The following HSD17B6 variants were observed in gnomAD, a reference collection of about 807,000 sequenced individuals.
HSD17B6 encodes hydroxysteroid 17-beta dehydrogenase 6, also known as 17-beta-hydroxysteroid dehydrogenase type 6.
HSD17B6 carries 16 observed loss-of-function variants against 26.4 expected under a neutral mutation model. The observed-to-expected ratio is 0.61, with a 90% CI of 0.41 to 0.92. The LOEUF (loss-of-function observed/expected upper bound fraction) is 0.92, where lower values mean the gene tolerates loss of function less well. HSD17B6 is among the 40% of genes least tolerant of loss of function. The pLI is 0.00. For missense variants in HSD17B6, 357 were observed against 386.1 expected, an observed-to-expected ratio of 0.92 and a Z score of 0.63; for synonymous variants, 139 against 153.0, an observed-to-expected ratio of 0.91 and a Z score of 0.68.
At chr12:56,785,360 A>G (rs1954853922) in intron 4 of HSD17B6, among the ~76,000 whole-genome samples, 1 of 152,246 alleles carries the variant, frequency 6.6e-6, no homozygotes, top group Non-Finnish European at 1.5e-5. Flanking sequence ...TTATGGGACT[A>G]TAATTCAAGA....
At position 56,773,943 on chromosome 12, in the gene HSD17B6, T is replaced by C; in HGVS notation, c.91T>C (p.Tyr31His). The stretch of plus-strand genomic sequence containing the variant: ...GGTGGTGAGCCACCTCCAAGACAAG[T>C]ATGTCTTTATCACGGGCTGTGACTC... ...RQVVSHLQDK[Y>H]VFITGCDSGF... Residue 31 changes from tyrosine (Y) to histidine (H), a missense_variant, in exon 2 of 5, where the codon TAT becomes CAT. Coordinates refer to ENST00000322165, the MANE Select transcript of HSD17B6 (RefSeq NM_003725.4). The C allele has an allele frequency of 6.2e-7, 1 of 1,614,012 alleles. No homozygotes were observed. The highest frequency in any genetic ancestry group is 8.5e-7 in the Non-Finnish European group (1 of 1,179,952).
At chr12:56,766,471 G>C (rs1954332288) in intron 1 of HSD17B6, among the ~76,000 whole-genome samples, 1 of 152,134 alleles carries the variant, frequency 6.6e-6, no homozygotes, top group Admixed American at 6.5e-5. Flanking sequence ...TGTCCTCCAA[G>C]GCTCAGCAAA....
Position 56,784,897 on chromosome 12 carries a change from C to A in HSD17B6, c.617C>A (p.Pro206His). Residue 206 changes from proline (P) to histidine (H), a missense_variant, in exon 4 of 5, where the codon CCT becomes CAT. Transcript: ENST00000322165. Reference sequence around the variant, plus strand: ...GGGGTGAAAATCAGCATAGTTGAACCTGGCTACTTCAGAACGGGAATGACA... The same window carrying A: ...GGGGTGAAAATCAGCATAGTTGAACATGGCTACTTCAGAACGGGAATGACA... ...HFGVKISIVE[P>H]GYFRTGMTNM... is the part of the protein sequence containing the mutation. The A allele has an allele frequency of 6.2e-7, 1 of 1,613,896 alleles. No homozygotes were observed. Among genetic ancestry groups the A allele is most frequent in the Non-Finnish European group, 8.5e-7 (1 of 1,179,994 alleles).
intron 1 of HSD17B6, among the ~76,000 whole-genome samples, chr12:56,766,594 G>A (rs1280282655): frequency 1.3e-5 from 2 of 152,174 alleles, no homozygotes; most frequent in African/African-American, 4.8e-5. Context: ...GTACAACTAA[G>A]GTTTTAGATT....
At chr12:56,782,523 C>A (rs1217660581) in intron 3 of HSD17B6, among the ~76,000 whole-genome samples, 1 of 152,130 alleles carries the variant, frequency 6.6e-6, no homozygotes, top group Admixed American at 6.6e-5. Context: ...CAGGGTCTCA[C>A]TCTGTTGCTC....
intron 2 of HSD17B6, among the ~76,000 whole-genome samples, chr12:56,775,384 A>AT (rs1198182726): frequency 6.6e-6 from 1 of 151,560 alleles, no homozygotes; most frequent in Non-Finnish European, 1.5e-5. Context: ...TGCCTGGCTA[A>AT]TTTTTTTTTA....
At chr12:56,766,162 C>T (rs1176631357) in intron 1 of HSD17B6, among the ~76,000 whole-genome samples, 1 of 151,966 alleles carries the variant, frequency 6.6e-6, no homozygotes, top group Non-Finnish European at 1.5e-5. Context: ...TGTAATTTTC[C>T]GCTACCCACC....
intron 1 of HSD17B6, among the ~76,000 whole-genome samples, chr12:56,767,102 G>A (rs1275782773): frequency 6.6e-6 from 1 of 152,150 alleles, no homozygotes; most frequent in Non-Finnish European, 1.5e-5. Flanking sequence ...GCTTCTGCAG[G>A]TGAACACTCT....
chr12:56,763,543 A>G (rs1954253241), intron 1 of HSD17B6, 129 bp downstream of exon 1: 1 of 151,702 alleles, frequency 6.6e-6, no homozygotes, highest in Non-Finnish European at 1.5e-5. Context: ...TTATCATCTT[A>G]AAAGATCCTT....
At chr12:56,783,007 A>G (rs1422416488) in intron 3 of HSD17B6, among the ~76,000 whole-genome samples, 2 of 152,344 alleles carry the variant, frequency 1.3e-5, no homozygotes, top group East Asian at 3.9e-4. Context: ...TTTTCTTAGT[A>G]CAGAACAAAA....
Position 56,781,960 on chromosome 12 carries a change from TTTAA to T in HSD17B6, c.314-11_314-8del, listed in dbSNP as rs1337323758. The stretch of plus-strand genomic sequence containing the variant: ...CTGAAACCAAACTCCTGATATGACT[TTTAA>T]TTGTTTTAGGACTCTGGGGACTGGT... On this transcript the variant is annotated splice_polypyrimidine_tract_variant and intron_variant, in intron 2 of 4. Coordinates refer to ENST00000322165, the MANE Select transcript of HSD17B6 (RefSeq NM_003725.4). The T allele has an allele frequency of 1.9e-6, 3 of 1,608,522 alleles. No homozygotes were observed. Among genetic ancestry groups the T allele is most frequent in the Non-Finnish European group, 2.6e-6 (3 of 1,176,442 alleles).
intron 1 of HSD17B6, among the ~76,000 whole-genome samples, chr12:56,771,249 T>C (rs1024337621): frequency 2.0e-5 from 3 of 152,188 alleles, no homozygotes; most frequent in Non-Finnish European, 4.4e-5. Context: ...CACCTATTCC[T>C]GTGCCTTCCC....
At chr12:56,764,857 C>T (rs1339961979) in intron 1 of HSD17B6, among the ~76,000 whole-genome samples, 1 of 152,168 alleles carries the variant, frequency 6.6e-6, no homozygotes, top group Non-Finnish European at 1.5e-5. Context: ...GAGAGTCTCA[C>T]TCTGTCTTCC....
chr12:56,779,087 AT>A (rs35988358), intron 2 of HSD17B6, among the ~76,000 whole-genome samples: 72,189 of 149,704 alleles, frequency 0.48, 19,277 homozygotes, highest in African/African-American at 0.74. Context: ...CAATCTGACA[AT>A]TTTTTTTTTT....
chr12:56,770,747 C>T (rs1954452154), intron 1 of HSD17B6, among the ~76,000 whole-genome samples: 2 of 152,032 alleles, frequency 1.3e-5, no homozygotes, highest in Middle Eastern at 3.2e-3. Flanking sequence ...CATGATAAAC[C>T]CAGGCCACAA....
rs1048142144 is a variant in HSD17B6, at chr12:56,779,572, T to C, written c.314-2402T>C. 9.8e-5 allele frequency among the ~76,000 whole-genome samples: 15 copies of C among 152,360 alleles called. No homozygotes were observed. In the East Asian group the frequency reaches 2.9e-3, roughly 29 times the overall value. On this transcript the variant is annotated intron_variant, in intron 2 of 4. Transcript: ENST00000322165. ...ACTTTTTCCACTACTAAATTGAAAGTACTATAATATTCTCTATTTCTGTTT... is the reference window on the plus strand; with the variant it reads ...ACTTTTTCCACTACTAAATTGAAAGCACTATAATATTCTCTATTTCTGTTT...
At chr12:56,783,818 T>G (rs1443833996) in intron 3 of HSD17B6, among the ~76,000 whole-genome samples, 4 of 146,380 alleles carry the variant, frequency 2.7e-5, no homozygotes, top group African/African-American at 1.0e-4. Context: ...GGGCGGGGGC[T>G]GACCCCCACC....
chr12:56,781,681 A>G (rs1347767528), intron 2 of HSD17B6, among the ~76,000 whole-genome samples: 1 of 152,166 alleles, frequency 6.6e-6, no homozygotes, highest in Non-Finnish European at 1.5e-5. Flanking sequence ...GCGTGCCTGT[A>G]GTCCCAGCTA....
chr12:56,775,127 T>C (rs898006143), intron 2 of HSD17B6, among the ~76,000 whole-genome samples: 1 of 152,266 alleles, frequency 6.6e-6, no homozygotes, highest in Non-Finnish European at 1.5e-5. Context: ...TTTGAAGGAC[T>C]GTTGAGGTCT....
Sources: gnomAD v4.1 joint callset for allele counts (sites outside exome capture counted in the v4.1 genomes callset) on GRCh38, gnomAD v4.1.1 for gene constraint, MANE v1.5 for transcripts, NCBI Gene and HGNC (gene_info 2026-07-23, HGNC 2026-07-21) for gene names.